The following AIG1 variants were observed in gnomAD, a reference collection of about 807,000 sequenced individuals.
The protein encoded by AIG1 is androgen-induced gene 1 protein.
In AIG1, 23 loss-of-function variants were observed where a neutral mutation model predicts 31.4. The ratio of observed to expected loss-of-function variants is 0.73; its 90% CI spans 0.53 to 1.04. The LOEUF is 1.04. AIG1 is among the 50% of genes least tolerant of loss of function. The pLI, the probability that AIG1 is intolerant of heterozygous loss-of-function variation, is 0.00. For synonymous variants in AIG1, 100 were observed against 110.5 expected, an observed-to-expected ratio of 0.90 and a Z score of 0.60; for missense variants, 274 against 295.0, an observed-to-expected ratio of 0.93 and a Z score of 0.52.
At chr6:143,307,554 C>A (rs1799420592) in intron 4 of AIG1, among the ~76,000 whole-genome samples, 1 of 152,192 alleles carries the variant, frequency 6.6e-6, no homozygotes, top group Non-Finnish European at 1.5e-5. Flanking sequence ...GATCGTTCCT[C>A]TGGAAGTTTT....
At chr6:143,157,212 C>T (rs1243382892) in intron 2 of AIG1, among the ~76,000 whole-genome samples, 1 of 152,184 alleles carries the variant, frequency 6.6e-6, no homozygotes, top group Non-Finnish European at 1.5e-5. Flanking sequence ...AATTTATTTG[C>T]CCTGATAAAG....
intron 3 of AIG1, among the ~76,000 whole-genome samples, chr6:143,223,409 A>T (rs904602949): frequency 3.9e-5 from 6 of 152,182 alleles, no homozygotes; most frequent in African/African-American, 1.4e-4. Flanking sequence ...ACAGGTGTTT[A>T]TTACCTTGCA....
intron 4 of AIG1, among the ~76,000 whole-genome samples, chr6:143,301,211 C>A (rs1450741069): frequency 1.3e-5 from 2 of 152,322 alleles, no homozygotes; most frequent in South Asian, 4.1e-4. Context: ...ATAATGCTGC[C>A]TCGGATTGCA....
At chr6:143,317,413 C>T (rs945255711) in intron 4 of AIG1, among the ~76,000 whole-genome samples, 2 of 152,074 alleles carry the variant, frequency 1.3e-5, no homozygotes, top group Non-Finnish European at 2.9e-5. Flanking sequence ...ATCACATGAT[C>T]ATCTCAATAG....
chr6:143,073,765 A>G (rs1777497902), intron 1 of AIG1, among the ~76,000 whole-genome samples: 1 of 152,216 alleles, frequency 6.6e-6, no homozygotes, highest in Admixed American at 6.5e-5. Flanking sequence ...GGAAGCTTGT[A>G]TGTTATATGG....
chr6:143,210,342 G>A (rs1289108201), intron 3 of AIG1, among the ~76,000 whole-genome samples: 2 of 152,200 alleles, frequency 1.3e-5, no homozygotes, highest in Non-Finnish European at 2.9e-5. Flanking sequence ...TAATACACTG[G>A]TCTTAGTAAA....
chr6:143,259,779 A>G (rs1795620433), intron 3 of AIG1, among the ~76,000 whole-genome samples: 1 of 152,216 alleles, frequency 6.6e-6, no homozygotes, highest in Non-Finnish European at 1.5e-5. Flanking sequence ...AATGTTTCAT[A>G]TGAGCAATTA....
chr6:143,236,845 A>AT (rs1562514744), intron 3 of AIG1, among the ~76,000 whole-genome samples: 1 of 152,154 alleles, frequency 6.6e-6, no homozygotes, highest in African/African-American at 2.4e-5. Context: ...TCCTTAAGAA[A>AT]TTTTTTTCAC....
Position 143,333,687 on chromosome 6 carries a change from A to G in AIG1, c.679+242A>G, listed in dbSNP as rs1777264870. On this transcript the variant is annotated intron_variant, in intron 5 of 5. Coordinates refer to ENST00000357847, the MANE Select transcript of AIG1 (RefSeq NM_016108.4). The surrounding 1 kb of genome is among the most constrained non-coding windows in gnomAD (Gnocchi z 4.6). ...CTCCAAATCTAAAGAGGAAAGAGGC[A>G]TGTCTATAAAATTTTATAGGGAAAA... 6.6e-6 allele frequency among the ~76,000 whole-genome samples: 1 copy of G among 152,258 alleles called. No homozygotes were observed. Among genetic ancestry groups the G allele is most frequent in the Admixed American group, 6.5e-5 (1 of 15,290 alleles).
At chr6:143,094,810 A>G (rs552061109) in intron 1 of AIG1, among the ~76,000 whole-genome samples, 1 of 152,328 alleles carries the variant, frequency 6.6e-6, no homozygotes, top group South Asian at 2.1e-4. Flanking sequence ...GGAAATATAT[A>G]TCATCCTGAA....
At position 143,060,891 on chromosome 6, in the gene AIG1, C is replaced by A. The variant is rs374518199; in HGVS notation, c.-35C>A. On this transcript the variant is annotated 5_prime_UTR_variant, in exon 1 of 6. Coordinates refer to ENST00000357847, the MANE Select transcript of AIG1 (RefSeq NM_016108.4). ...CCGGCGCCTCCCTCACGCCCGCCCT[C>A]CTTGCCGCCCAGCCGGTCCAGGCCT... 14 of 1,423,710 alleles carry A rather than the reference C, an allele frequency of 9.8e-6. No homozygotes were observed. The African/African-American group carries it at 1.7e-4, about 18-fold the overall frequency. The allele number at this position is 1,423,710 out of a possible 1,614,324, so 88.2% of individuals were successfully genotyped here. A position where few individuals can be genotyped will look rare whatever the true frequency, so the allele number is the denominator to read the frequency against.
intron 3 of AIG1, among the ~76,000 whole-genome samples, chr6:143,214,888 G>T (rs7769112): frequency 0.015 from 2,349 of 152,188 alleles, 65 homozygotes; most frequent in African/African-American, 0.054. Context: ...CATCCCAACT[G>T]GTTCTTCAGC....
intron 3 of AIG1, among the ~76,000 whole-genome samples, chr6:143,174,259 C>T (rs575777847): frequency 2.6e-5 from 4 of 152,156 alleles, no homozygotes; most frequent in South Asian, 2.1e-4. Context: ...GAGGCCAAGG[C>T]GGGTGGATCA....
Position 143,291,795 on chromosome 6 carries a change from G to C in AIG1, c.515+7570G>C, listed in dbSNP as rs901475207. Among the ~76,000 whole-genome samples, 1 of 152,180 alleles carries C rather than the reference G, an allele frequency of 6.6e-6. No homozygotes were observed. Among genetic ancestry groups the C allele is most frequent in the East Asian group, 1.9e-4 (1 of 5,180 alleles). The stretch of plus-strand genomic sequence containing the variant: ...GTGTTGAAGCAGAGTGAGGGAGAGT[G>C]CACAGAGCTCCTAGGGTGAGGGAAG... On this transcript the variant is annotated intron_variant, in intron 4 of 5. Transcript: ENST00000357847. This position sits in a 1 kb window ranked among gnomAD's most constrained non-coding sequence, Gnocchi z 4.2.
chr6:143,187,356 C>CA, intron 3 of AIG1: 1 of 1,505,056 alleles, frequency 6.6e-7, no homozygotes, highest in Non-Finnish European at 8.9e-7. Flanking sequence ...TGCTGCATTC[C>CA]ATGGTGTCTC....
At chr6:143,257,961 A>G (rs1233980127) in intron 3 of AIG1, among the ~76,000 whole-genome samples, 1 of 152,190 alleles carries the variant, frequency 6.6e-6, no homozygotes, top group Non-Finnish European at 1.5e-5. Flanking sequence ...ATATCCCTGC[A>G]CAGTGGCTAG....
chr6:143,061,548 C>T (rs757922072), intron 1 of AIG1: 10 of 319,996 alleles, frequency 3.1e-5, no homozygotes, highest in Non-Finnish European at 5.0e-5. Flanking sequence ...AGAACCAAAT[C>T]CTTCTCATAA....
chr6:143,118,537 C>T (rs903258511), intron 1 of AIG1, among the ~76,000 whole-genome samples: 8 of 151,796 alleles, frequency 5.3e-5, no homozygotes, highest in Non-Finnish European at 7.4e-5. Flanking sequence ...AAAAAAATAC[C>T]GAAAGATTGG....
chr6:143,213,208 C>A (rs1474623988), intron 3 of AIG1, among the ~76,000 whole-genome samples: 1 of 152,166 alleles, frequency 6.6e-6, no homozygotes, highest in Non-Finnish European at 1.5e-5. Flanking sequence ...TGTTTAGTTA[C>A]ATTGTTGCTT....
Sources: gnomAD v4.1 joint callset for allele counts (sites outside exome capture counted in the v4.1 genomes callset) on GRCh38, gnomAD v4.1.1 for gene constraint, Gnocchi (gnomAD v3.1) non-coding constraint, MANE v1.5 for transcripts, NCBI Gene and HGNC (gene_info 2026-07-23, HGNC 2026-07-21) for gene names.